Variants in TTN observed in about 807,000 individuals in gnomAD.
TTN encodes titin, also known as connectin.
TTN carries 1,525 observed loss-of-function variants against 3,223.0 expected under a neutral mutation model. The observed-to-expected ratio is 0.47, with a 90% CI of 0.45 to 0.49. TTN has a LOEUF of 0.49. Among genes scored for constraint, TTN ranks in the 20% least tolerant of loss-of-function variants. The pLI is 0.00. For missense variants in TTN, 40,786 were observed against 43,424.0 expected, an observed-to-expected ratio of 0.94 and a Z score of 5.40; for synonymous variants, 14,094 against 15,161.0, an observed-to-expected ratio of 0.93 and a Z score of 5.17.
rs1694777189 is a variant in TTN at position 178,541,985 on chromosome 2, CTCT to C, written c.97492+276_97492+278del. ...TTTCCTCTCTTCCTCCTTCCCTTCT[CTCT>C]TTTCTTCCTTCCATTCCTTTCTTCC... On this transcript the variant is annotated intron_variant, in intron 349 of 362. Transcript: ENST00000589042. 1.3e-5 allele frequency: 4 copies of C among 313,964 alleles called. No homozygotes were observed. In the South Asian group the frequency reaches 4.3e-4, roughly 34 times the overall value. 19.4% of individuals were successfully genotyped at this position (313,964 alleles called of 1,614,324 possible).
chr2:178,611,133 T>A lies in TTN; in HGVS notation c.50996A>T (p.Asp16999Val). 1 of 1,612,858 alleles carries A rather than the reference T, an allele frequency of 6.2e-7. No homozygotes were observed. Among genetic ancestry groups the A allele is most frequent in the Non-Finnish European group, 8.5e-7 (1 of 1,179,218 alleles). The change falls in exon 270 of 363, where the codon GAT becomes GTT. Residue 16999 changes from aspartate (D) to valine (V), a missense_variant. Transcript: ENST00000589042. The part of the protein sequence containing the change: ...HKDGKEVKAS[D>V]RLTMKNDHIS... ...GTGATCATTCTTCATTGTTAATCTA[T>A]CACTTGCTTTAACTTCTTTGCCATC...
chr2:178,578,791 A>AT lies in TTN; in HGVS notation c.68224+14dup. The stretch of plus-strand genomic sequence containing the variant: ...CCGTGTTTTGCTTTACGTCTTCTGA[A>AT]TTTAAGACACTTACCAAATGGATGT... On this transcript the variant is annotated intron_variant, in intron 320 of 362. Transcript: ENST00000589042. 6.2e-7 allele frequency: 1 copy of AT among 1,608,188 alleles called. No homozygotes were observed. The highest frequency in any genetic ancestry group is 8.5e-7 in the Non-Finnish European group (1 of 1,177,424).
At position 178,630,228 on chromosome 2, in the gene TTN, A is replaced by G. The variant is rs1452869465; in HGVS notation, c.44281+13T>C. On this transcript the variant is annotated intron_variant, in intron 239 of 362. Transcript: ENST00000589042. ...TGTTTATTTAATTTCCCTGAAAAAT[A>G]TACAATACTTACGCTTAACTCGGAG... 1 of 1,612,414 alleles carries G rather than the reference A, an allele frequency of 6.2e-7. No homozygotes were observed. The highest frequency in any genetic ancestry group is 8.5e-7 in the Non-Finnish European group (1 of 1,179,178).
chr2:178,678,767 A>T lies in TTN; in HGVS notation c.33806T>A (p.Val11269Glu). The T allele has an allele frequency of 1.2e-6, 2 of 1,603,158 alleles. No homozygotes were observed. Among genetic ancestry groups the T allele is most frequent in the Non-Finnish European group, 1.7e-6 (2 of 1,176,416 alleles). The change falls in exon 143 of 363, where the codon GTG becomes GAG. Residue 11269 changes from valine (V) to glutamate (E), a missense_variant. Coordinates refer to ENST00000589042, the MANE Select transcript of TTN (RefSeq NM_001267550.2). Reference sequence around the variant, plus strand: ...TGTACCTTTGGCAGGTGGAGCTTCCACCTTTTTAGGAACTGGTACTGGTAC... The same window carrying T: ...TGTACCTTTGGCAGGTGGAGCTTCCTCCTTTTTAGGAACTGGTACTGGTAC... ...EKVPVPVPKK[V>E]EAPPAKVPEV...
chr2:178,773,750 T>G (rs761379281), intron 31 of TTN, 25 bp from the exon 32 acceptor site: 31 of 1,614,068 alleles, frequency 1.9e-5, no homozygotes, highest in Non-Finnish European at 2.5e-5. Context: ...ACACACAAGA[T>G]GAATGAATTT....
At chr2:178,612,600 A>T in intron 265 of TTN, 24 bp from the exon 266 acceptor site, 1 of 1,570,068 alleles carries the variant, frequency 6.4e-7, no homozygotes, top group South Asian at 1.2e-5. Context: ...AAGGAAAACA[A>T]ATTCATTTTT....
Position 178,531,192 on chromosome 2 carries a change from G to A in TTN, c.105423C>T (p.Tyr35141=), listed in dbSNP as rs534484592. 15 of 1,613,934 alleles carry A rather than the reference G, an allele frequency of 9.3e-6. No homozygotes were observed. In the East Asian group the frequency reaches 1.6e-4, roughly 17 times the overall value. ...ILTKPRSMTV[Y]EGESARFSCD... ...AAGAAAACCTTGCAGACTCGCCCTCGTAGACGGTCATGGACCGTGGCTTTG... is the reference window on the plus strand; with the variant it reads ...AAGAAAACCTTGCAGACTCGCCCTCATAGACGGTCATGGACCGTGGCTTTG... Residue 35141 remains tyrosine, a synonymous_variant, in exon 358 of 363, where the codon TAC becomes TAT. Transcript: ENST00000589042.
In TTN at chr2:178,560,214, A is replaced by G. The variant is rs1703134059; in HGVS notation, c.85918T>C (p.Ser28640Pro). 1.2e-6 allele frequency: 2 copies of G among 1,613,658 alleles called. No homozygotes were observed. Among genetic ancestry groups the G allele is most frequent in the South Asian group, 1.1e-5 (1 of 91,080 alleles). Residue 28640 changes from serine (S) to proline (P), a missense_variant, in exon 326 of 363, where the codon TCT becomes CCT. Coordinates refer to ENST00000589042, the MANE Select transcript of TTN (RefSeq NM_001267550.2). ...AAGLSLPSET[S>P]PLIRAEDPVF... ...GGATCTTCTGCCCTAATTAAGGGAGAGGTTTCACTTGGAAGACTTAGGCCA... is the reference window on the plus strand; with the variant it reads ...GGATCTTCTGCCCTAATTAAGGGAGGGGTTTCACTTGGAAGACTTAGGCCA...
In TTN at chr2:178,583,017, T is replaced by C. The variant is rs1465791266; in HGVS notation, c.65786A>G (p.Lys21929Arg). Residue 21929 changes from lysine (K) to arginine (R), a missense_variant, in exon 313 of 363, where the codon AAG (lysine) becomes AGG (arginine). Transcript: ENST00000589042. ...CTLELFSVNR[K>R]DSGDYTITAE... The stretch of plus-strand genomic sequence containing the variant: ...AGTAATGGTATAGTCTCCTGAGTCC[T>C]TCCGGTTCACGCTGAATAGCTCCAA... The C allele has an allele frequency of 2.5e-6, 4 of 1,606,694 alleles. No individual in the cohort carries two copies. The African/African-American group carries it at 5.4e-5, about 22-fold the overall frequency.
Position 178,548,469 on chromosome 2 carries a change from C to A in TTN, c.93157G>T (p.Val31053Leu). ...CGGCGACTTGCCTCTCGTTTCTCTA[C>A]CACATAATGATGGATTCGGGCACCA... ...DGGARIHHYV[V>L]EKREASRRSW... Residue 31053 changes from valine (V) to leucine (L), a missense_variant, in exon 339 of 363, where the codon GTA becomes TTA. Coordinates refer to ENST00000589042, the MANE Select transcript of TTN (RefSeq NM_001267550.2). The surrounding 1 kb of genome is among the most constrained non-coding windows in gnomAD (Gnocchi z 4.3). 1 of 1,613,868 alleles carries A rather than the reference C, an allele frequency of 6.2e-7. No individual in the cohort carries two copies. Among genetic ancestry groups the A allele is most frequent in the Non-Finnish European group, 8.5e-7 (1 of 1,179,812 alleles).
At position 178,693,970 on chromosome 2, in the gene TTN, C is replaced by G; in HGVS notation, c.31465G>C (p.Glu10489Gln). 9.9e-6 allele frequency: 16 copies of G among 1,612,758 alleles called. No homozygotes were observed. Among genetic ancestry groups the G allele is most frequent in the Non-Finnish European group, 1.4e-5 (16 of 1,179,250 alleles). The change falls in exon 118 of 363, where the codon GAA (glutamate) becomes CAA (glutamine). Residue 10489 changes from glutamate to glutamine, a missense_variant. Transcript: ENST00000589042. The stretch of plus-strand genomic sequence containing the variant: ...GTGTGAGAAGCAAAGAACATCTTTT[C>G]TTCTGAAATAACCATCTTCTTTGTA... Reference protein sequence around the residue: ...VHTKKMVISEEKMFFASHTEE... With the variant: ...VHTKKMVISEQKMFFASHTEE...
rs1337354888 is a variant in TTN, at chr2:178,779,211, T to C, written c.3963+18A>G. On this transcript the variant is annotated intron_variant, in intron 23 of 362. Coordinates refer to ENST00000589042, the MANE Select transcript of TTN (RefSeq NM_001267550.2). ...TCTTTACTGTGGCAAGGAGCTATGATAAATGTTTATATTTTACCTTTGGTA... is the reference window on the plus strand; with the variant it reads ...TCTTTACTGTGGCAAGGAGCTATGACAAATGTTTATATTTTACCTTTGGTA... 18 of 1,613,090 alleles carry C rather than the reference T, an allele frequency of 1.1e-5. 1 individual carries two copies. In the South Asian group the frequency reaches 1.5e-4, roughly 14 times the overall value.
intron 43 of TTN, among the ~76,000 whole-genome samples, chr2:178,763,753 A>C (rs1235317398): frequency 6.6e-6 from 1 of 152,216 alleles, no homozygotes; most frequent in African/African-American, 2.4e-5. Flanking sequence ...CTTTCACACA[A>C]GCATTGTCCA....
At position 178,577,505 on chromosome 2, in the gene TTN, G is replaced by A. The variant is rs759654480; in HGVS notation, c.68830C>T (p.Pro22944Ser). The change falls in exon 324 of 363, where the codon CCA becomes TCA. Residue 22944 changes from proline (P) to serine (S), a missense_variant. Transcript: ENST00000589042. ...ATTGTGGGATCAAGGACAATTGTTG[G>A]TGCCTCTGCAAAGAAAAAAATACAT... ...TIICKDEYEA[P>S]TIVLDPTIKD... 1 of 1,574,586 alleles carries A rather than the reference G, an allele frequency of 6.4e-7. No individual in the cohort carries two copies. The highest frequency in any genetic ancestry group is 8.6e-7 in the Non-Finnish European group (1 of 1,160,618).
intron 38 of TTN, 49 bp from the exon 39 acceptor site, chr2:178,768,204 G>C (rs2090861235): frequency 6.3e-7 from 1 of 1,588,512 alleles, no homozygotes. Context: ...GCTTTATTGA[G>C]ATATAATTCA....
rs776520284 is a variant in TTN, at chr2:178,587,975, C to T, written c.63432G>A (p.Arg21144=). 24 of 1,611,806 alleles carry T rather than the reference C, an allele frequency of 1.5e-5. No homozygotes were observed. The highest frequency in any genetic ancestry group is 1.6e-5 in the Non-Finnish European group (19 of 1,178,968). Residue 21144 remains arginine (R), a synonymous_variant, in exon 305 of 363, where the codon AGG becomes AGA. Transcript: ENST00000589042. The stretch of plus-strand genomic sequence containing the variant: ...TACCAACTTGGTTTTGGGCACACAC[C>T]CTGAACTCATATTCCTGGTTTTCAT... ...SLDENQEYEF[R]VCAQNQVGIG...
Position 178,781,004 on chromosome 2 carries a change from C to T in TTN, c.3523+117G>A, listed in dbSNP as rs12464703. ...TTTCCATACAACTGAGGCAAAGACA[C>T]TGGGGCAAAGTATCAGAACCAGTAA... is the stretch of plus-strand genomic sequence containing the variant. On this transcript the variant is annotated intron_variant, in intron 21 of 362. Coordinates refer to ENST00000589042, the MANE Select transcript of TTN (RefSeq NM_001267550.2). 1.3e-5 allele frequency: 19 copies of T among 1,412,438 alleles called. No individual in the cohort carries two copies. In the African/African-American group the frequency reaches 1.8e-4, roughly 14 times the overall value. 87.5% of individuals were successfully genotyped at this position (1,412,438 alleles called of 1,614,324 possible). A position where few individuals can be genotyped will look rare whatever the true frequency, so the allele number is the denominator to read the frequency against.
At chr2:178,727,024 G>C (rs2079455431) in intron 69 of TTN, 66 bp downstream of exon 69, 2 of 1,304,960 alleles carry the variant, frequency 1.5e-6, no homozygotes, top group Non-Finnish European at 2.0e-6. Context: ...AATGAATAAA[G>C]AGCTATAATA....
In TTN at chr2:178,608,386, G is replaced by C. The variant is rs774188747; in HGVS notation, c.52497C>G (p.Ser17499Arg). 6.2e-7 allele frequency: 1 copy of C among 1,611,054 alleles called. No individual in the cohort carries two copies. Among genetic ancestry groups the C allele is most frequent in the Non-Finnish European group, 8.5e-7 (1 of 1,178,534 alleles). The change falls in exon 275 of 363, where the codon AGC (serine) becomes AGG (arginine). Residue 17499 changes from serine to arginine, a missense_variant. By Grantham distance (110) the Ser-to-Arg change is moderately radical (BLOSUM62 -1). Transcript: ENST00000589042. ...TTTCAAGCCAGTAACCCAAAATGGG[G>C]CTTCCATTATCTTTTGGTTCATTCC... ...VKWNEPKDNG[S>R]PILGYWLEKR...
Sources: gnomAD v4.1 joint callset for allele counts (sites outside exome capture counted in the v4.1 genomes callset) on GRCh38, gnomAD v4.1.1 for gene constraint, Gnocchi (gnomAD v3.1) non-coding constraint, MANE v1.5 for transcripts, NCBI Gene and HGNC (gene_info 2026-07-23, HGNC 2026-07-21) for gene names.